The following KCNJ6 variants were observed in gnomAD, a reference collection of about 807,000 sequenced individuals.
The protein encoded by KCNJ6 is potassium inwardly rectifying channel subfamily J member 6, also known as G protein-activated inward rectifier potassium channel 2.
In KCNJ6, 9 loss-of-function variants were observed where a neutral mutation model predicts 34.2. That is an observed-to-expected ratio of 0.26 (90% CI 0.16 to 0.46). The LOEUF (loss-of-function observed/expected upper bound fraction) is 0.46. Among genes scored for constraint, KCNJ6 ranks in the 20% least tolerant of loss-of-function variants. The pLI is 1.00. For missense variants in KCNJ6, 236 were observed against 531.3 expected (o/e 0.44, Z 5.46); for synonymous variants, 196 against 207.1 (o/e 0.95, Z 0.46).
intron 2 of KCNJ6, among the ~76,000 whole-genome samples, chr21:37,765,430 A>G (rs2055086080): frequency 6.6e-6 from 1 of 152,136 alleles, no homozygotes; most frequent in Admixed American, 6.5e-5. Context: ...TTTGACAGTC[A>G]CAGATGGAGA....
At chr21:37,850,405 G>A (rs1411154836) in intron 1 of KCNJ6, among the ~76,000 whole-genome samples, 3 of 152,074 alleles carry the variant, frequency 2.0e-5, no homozygotes, top group African/African-American at 4.8e-5. Context: ...CACCTGAGCT[G>A]CACCTCCTGT....
At chr21:37,725,125 A>C (rs1022571351) in intron 2 of KCNJ6, among the ~76,000 whole-genome samples, 12 of 152,218 alleles carry the variant, frequency 7.9e-5, no homozygotes, top group Non-Finnish European at 1.8e-4. Flanking sequence ...AACAGAAAAA[A>C]ATGGTCAAAG....
At chr21:37,644,523 G>A (rs949816753) in intron 3 of KCNJ6, among the ~76,000 whole-genome samples, 13 of 152,090 alleles carry the variant, frequency 8.5e-5, no homozygotes, top group African/African-American at 3.1e-4. Flanking sequence ...TAGTAACTGG[G>A]TAATTTACTT....
intron 3 of KCNJ6, among the ~76,000 whole-genome samples, chr21:37,647,618 T>G (rs550471531): frequency 6.6e-6 from 1 of 152,234 alleles, no homozygotes; most frequent in Non-Finnish European, 1.5e-5. Flanking sequence ...GAGTTAGGCC[T>G]CAAACATTAG....
chr21:37,643,139 A>C (rs926072625), intron 3 of KCNJ6, among the ~76,000 whole-genome samples: 1 of 152,102 alleles, frequency 6.6e-6, no homozygotes, highest in Non-Finnish European at 1.5e-5. Context: ...ATTTTCATGG[A>C]TCTATGGGCT....
chr21:37,702,664 A>G (rs541083444), intron 3 of KCNJ6, among the ~76,000 whole-genome samples: 1 of 152,278 alleles, frequency 6.6e-6, no homozygotes, highest in East Asian at 1.9e-4. Flanking sequence ...CACATAGAAA[A>G]AGATGGTAAT....
rs974122243 is a variant in KCNJ6 at position 37,788,745 on chromosome 21, C to A, written c.25+51913G>T. Among the ~76,000 whole-genome samples the A allele has an allele frequency of 2.6e-5, 4 of 152,200 alleles. No homozygotes were observed. The South Asian group carries it at 8.3e-4, about 32-fold the overall frequency. ...ACCACGTGGAGCAGAGATAAGCCAT[C>A]CCAGCCAGCCGCAGCTAGCTTGATC... On this transcript the variant is annotated intron_variant, in intron 2 of 3. Transcript: ENST00000609713.
chr21:37,909,294 C>T (rs538629308), intron 1 of KCNJ6, among the ~76,000 whole-genome samples: 35 of 152,274 alleles, frequency 2.3e-4, no homozygotes, highest in African/African-American at 8.4e-4. Flanking sequence ...GAAGTTAATG[C>T]CACATTGCAA....
chr21:37,740,841 G>C (rs932956271), intron 2 of KCNJ6, among the ~76,000 whole-genome samples: 4 of 152,222 alleles, frequency 2.6e-5, no homozygotes, highest in African/African-American at 4.8e-5. Context: ...TAATTGACTA[G>C]TAGACTTTGC....
chr21:37,719,418 A>T (rs1023228933), intron 2 of KCNJ6: 9 of 152,352 alleles, frequency 5.9e-5, no homozygotes, highest in African/African-American at 1.9e-4. Flanking sequence ...GGCAAGTTGC[A>T]GCTGTGGTTG....
intron 2 of KCNJ6, among the ~76,000 whole-genome samples, chr21:37,786,922 T>C (rs769896694): frequency 6.6e-6 from 1 of 152,208 alleles, no homozygotes; most frequent in Non-Finnish European, 1.5e-5. Context: ...TTTCTCTGTG[T>C]CTATATTCTA....
At chr21:37,786,536 C>G (rs781442174) in intron 2 of KCNJ6, among the ~76,000 whole-genome samples, 1 of 152,190 alleles carries the variant, frequency 6.6e-6, no homozygotes, top group Non-Finnish European at 1.5e-5. Flanking sequence ...CACAATTCAG[C>G]TGAACAATAG....
At chr21:37,911,656 C>T (rs1297318788) in intron 1 of KCNJ6, among the ~76,000 whole-genome samples, 1 of 152,196 alleles carries the variant, frequency 6.6e-6, no homozygotes, top group Non-Finnish European at 1.5e-5. Flanking sequence ...TTTCCTCCTA[C>T]TCTGCCTATT....
chr21:37,896,476 G>T (rs994006914), intron 1 of KCNJ6, among the ~76,000 whole-genome samples: 3 of 152,200 alleles, frequency 2.0e-5, no homozygotes, highest in African/African-American at 7.2e-5. Context: ...CTTCTCACCT[G>T]CCTGGCATGG....
chr21:37,674,586 G>C (rs983794863), intron 3 of KCNJ6, among the ~76,000 whole-genome samples: 1 of 150,462 alleles, frequency 6.6e-6, no homozygotes, highest in Non-Finnish European at 1.5e-5. Flanking sequence ...TTGCATGCAG[G>C]TCCTCTCTGC....
chr21:37,733,599 C>T (rs975215897), intron 2 of KCNJ6, among the ~76,000 whole-genome samples: 2 of 152,142 alleles, frequency 1.3e-5, no homozygotes, highest in African/African-American at 4.8e-5. Context: ...AAAATATTCA[C>T]TTTTTTAGGG....
At chr21:37,800,940 G>T (rs1035389146) in intron 2 of KCNJ6, among the ~76,000 whole-genome samples, 6 of 152,192 alleles carry the variant, frequency 3.9e-5, no homozygotes, top group African/African-American at 9.7e-5. Flanking sequence ...TGAACTACAG[G>T]GAACTGGATG....
At chr21:37,687,418 CT>C (rs2054620625) in intron 3 of KCNJ6, among the ~76,000 whole-genome samples, 1 of 152,160 alleles carries the variant, frequency 6.6e-6, no homozygotes, top group Admixed American at 6.5e-5. Flanking sequence ...ATAATTTAAG[CT>C]TTTTCTTCAT....
chr21:37,702,618 G>T (rs2054697379), intron 3 of KCNJ6, among the ~76,000 whole-genome samples: 1 of 152,214 alleles, frequency 6.6e-6, no homozygotes. Context: ...GCAGAGCTCA[G>T]GGGAGAGGTT....
Sources: allele counts gnomAD v4.1 joint callset (sites outside exome capture counted in the v4.1 genomes callset), GRCh38; gene constraint gnomAD v4.1.1; transcripts MANE v1.5; gene names NCBI Gene and HGNC (gene_info 2026-07-23, HGNC 2026-07-21).